The following MAGI2 variants were observed in gnomAD, a reference collection of about 807,000 sequenced individuals.
The protein encoded by MAGI2 is membrane-associated guanylate kinase, WW and PDZ domain-containing protein 2.
Under a neutral mutation model 133.3 loss-of-function variants are expected in MAGI2, and 35 were observed. That is an observed-to-expected ratio of 0.26 (90% CI 0.20 to 0.35). The LOEUF (loss-of-function observed/expected upper bound fraction) is 0.35. MAGI2 is among the 10% of genes least tolerant of loss of function. MAGI2 has a pLI of 1.00. For synonymous variants in MAGI2, 729 were observed against 710.6 expected (o/e 1.03, Z -0.41); for missense variants, 1,636 against 1,863.4 (o/e 0.88, Z 2.25).
At chr7:78,372,228 A>G (rs1026829556) in intron 6 of MAGI2, among the ~76,000 whole-genome samples, 1 of 151,290 alleles carries the variant, frequency 6.6e-6, no homozygotes, top group African/African-American at 2.4e-5. Context: ...TAAAAAGACA[A>G]GTCATCAAAA....
At chr7:78,083,387 GGAGAGAGAGAGAGAGAGAGA>G (rs747230358) in intron 20 of MAGI2, among the ~76,000 whole-genome samples, 28 of 33,306 alleles carry the variant, frequency 8.4e-4, no homozygotes, top group Admixed American at 2.7e-3. Flanking sequence ...AGGGAGGGGG[GGAGAGAGAGAGAGAGAGAGA>G]GAGAGAGAGA....
intron 2 of MAGI2, among the ~76,000 whole-genome samples, chr7:78,891,563 A>G (rs1411724241): frequency 2.0e-5 from 3 of 152,168 alleles, no homozygotes; most frequent in African/African-American, 7.2e-5. Flanking sequence ...GGGATGCAAG[A>G]CTGGTTCAAC....
intron 2 of MAGI2, among the ~76,000 whole-genome samples, chr7:78,956,407 T>C (rs546953219): frequency 1.9e-3 from 286 of 152,264 alleles, no homozygotes; most frequent in African/African-American, 6.5e-3. Flanking sequence ...TCATAGGACC[T>C]ACACTAAAAG....
chr7:78,401,950 C>A (rs1203216460), intron 6 of MAGI2, among the ~76,000 whole-genome samples: 1 of 150,936 alleles, frequency 6.6e-6, no homozygotes, highest in Non-Finnish European at 1.5e-5. Flanking sequence ...CAATGTGTTT[C>A]TACTTGTCTT....
Position 78,330,615 on chromosome 7 carries a change from CAAAAAAAAAAAAA to C in MAGI2, c.1408+13150_1408+13162del, listed in dbSNP as rs4024122. Among the ~76,000 whole-genome samples the C allele has an allele frequency of 4.3e-4, 3 of 6,938 alleles. 1 individual carries two copies. Among genetic ancestry groups the C allele is most frequent in the Non-Finnish European group, 7.7e-4 (3 of 3,914 alleles). 4.6% of individuals were successfully genotyped at this position (6,938 alleles called of 152,430 possible). On this transcript the variant is annotated intron_variant, in intron 9 of 21. Coordinates refer to ENST00000354212, the MANE Select transcript of MAGI2 (RefSeq NM_012301.4). The stretch of plus-strand genomic sequence containing the variant: ...CCTGGGCGACAGCGAGACTCCGTCT[CAAAAAAAAAAAAA>C]AAAAAAAAAAAAAAAAGAAAGATTC...
chr7:79,186,244 TTA>T (rs1827127936), intron 1 of MAGI2, among the ~76,000 whole-genome samples: 2 of 108,230 alleles, frequency 1.8e-5, no homozygotes, highest in South Asian at 3.9e-4. Context: ...ATATATATAT[TTA>T]TATTTATTTA....
At chr7:78,757,511 T>C (rs1824075246) in intron 2 of MAGI2, among the ~76,000 whole-genome samples, 1 of 152,210 alleles carries the variant, frequency 6.6e-6, no homozygotes, top group Non-Finnish European at 1.5e-5. Flanking sequence ...AAAATAAAAC[T>C]TAAAAGAATT....
rs369495313 is a variant in MAGI2 at position 79,136,744 on chromosome 7, T to TAA, written c.302-129540_302-129539dup. Among the ~76,000 whole-genome samples the TAA allele has an allele frequency of 8.3e-4, 126 of 152,338 alleles. 1 individual carries two copies. Among genetic ancestry groups the TAA allele is most frequent in the African/African-American group, 3.0e-3 (123 of 41,580 alleles). ...GCTACTCATTTTACTTTTTTCACAC[T>TAA]AAGGTTTATGATGGAAGTAATTGAG... On this transcript the variant is annotated intron_variant, in intron 1 of 21. Coordinates refer to ENST00000354212, the MANE Select transcript of MAGI2 (RefSeq NM_012301.4).
chr7:79,303,898 C>A (rs1025865021), intron 1 of MAGI2, among the ~76,000 whole-genome samples: 109 of 152,192 alleles, frequency 7.2e-4, no homozygotes, highest in Middle Eastern at 3.4e-3. Context: ...ATCATATCTC[C>A]TTCAGTCTTA....
At position 78,619,984 on chromosome 7, in the gene MAGI2, T is replaced by C. The variant is rs548087194; in HGVS notation, c.538+7136A>G. On this transcript the variant is annotated intron_variant, in intron 3 of 21. Coordinates refer to ENST00000354212, the MANE Select transcript of MAGI2 (RefSeq NM_012301.4). ...AGACAAAAATGCTATAACCTGGATATGTAAAAAACAGCTGGACCCTTTTAA... is the reference window on the plus strand; with the variant it reads ...AGACAAAAATGCTATAACCTGGATACGTAAAAAACAGCTGGACCCTTTTAA... 2.1e-4 allele frequency among the ~76,000 whole-genome samples: 32 copies of C among 151,930 alleles called. No homozygotes were observed. In the South Asian group the frequency reaches 6.2e-3, roughly 30 times the overall value.
At chr7:79,100,334 A>G (rs981137048) in intron 1 of MAGI2, among the ~76,000 whole-genome samples, 2 of 152,216 alleles carry the variant, frequency 1.3e-5, no homozygotes, top group East Asian at 1.9e-4. Flanking sequence ...GTTTCATTCC[A>G]CTTTCCAAAC....
chr7:79,333,343 G>C (rs1399911060), intron 1 of MAGI2, among the ~76,000 whole-genome samples: 1 of 152,040 alleles, frequency 6.6e-6, no homozygotes, highest in Non-Finnish European at 1.5e-5. Context: ...GGCCAGGTTG[G>C]TCTCAAACTC....
chr7:78,249,923 C>T (rs1039411262), intron 10 of MAGI2, among the ~76,000 whole-genome samples: 1 of 151,996 alleles, frequency 6.6e-6, no homozygotes, highest in African/African-American at 2.4e-5. Flanking sequence ...GATACTTATA[C>T]AGCATATACA....
At chr7:79,196,242 TAG>T (rs1018292654) in intron 1 of MAGI2, among the ~76,000 whole-genome samples, 2 of 151,990 alleles carry the variant, frequency 1.3e-5, no homozygotes, top group African/African-American at 2.4e-5. Flanking sequence ...AATTTATTCA[TAG>T]AGTTTAAATG....
In MAGI2 at chr7:78,624,121, G is replaced by A. The variant is rs185262293; in HGVS notation, c.538+2999C>T. ...TTTCATGTTTGTTGGCCACTTGTAT[G>A]TCTTTTGAAGTGTCTGTTCATGTCA... On this transcript the variant is annotated intron_variant, in intron 3 of 21. Transcript: ENST00000354212. Among the ~76,000 whole-genome samples the A allele has an allele frequency of 6.6e-5, 10 of 152,048 alleles. No individual in the cohort carries two copies. In the East Asian group the frequency reaches 1.9e-3, roughly 29 times the overall value.
intron 2 of MAGI2, among the ~76,000 whole-genome samples, chr7:78,736,250 T>C (rs1342105543): frequency 6.6e-6 from 1 of 152,174 alleles, no homozygotes; most frequent in Non-Finnish European, 1.5e-5. Flanking sequence ...CCAGAGAGTA[T>C]CTAATAACAG....
intron 2 of MAGI2, among the ~76,000 whole-genome samples, chr7:78,656,813 A>C (rs1201415199): frequency 5.9e-5 from 9 of 152,158 alleles, no homozygotes; most frequent in Non-Finnish European, 1.3e-4. Context: ...TACTTCAATG[A>C]AATAAAAAAA....
chr7:79,398,602 T>C (rs557837797), intron 1 of MAGI2, among the ~76,000 whole-genome samples: 7 of 152,312 alleles, frequency 4.6e-5, no homozygotes, highest in Middle Eastern at 6.8e-3. Context: ...AGGAAGTTGT[T>C]TTCCCTAAAC....
intron 1 of MAGI2, among the ~76,000 whole-genome samples, chr7:79,350,265 T>A (rs572830403): frequency 6.6e-6 from 1 of 152,278 alleles, no homozygotes; most frequent in Non-Finnish European, 1.5e-5. Context: ...TTCATTTCAA[T>A]CTTTAACCTC....
Sources: allele counts gnomAD v4.1 joint callset (sites outside exome capture counted in the v4.1 genomes callset), GRCh38; gene constraint gnomAD v4.1.1; transcripts MANE v1.5; gene names NCBI Gene and HGNC (gene_info 2026-07-23, HGNC 2026-07-21).